Variants in ARHGAP29 observed in about 807,000 individuals in gnomAD.
The protein encoded by ARHGAP29 is rho GTPase-activating protein 29.
Under a neutral mutation model 122.6 loss-of-function variants are expected in ARHGAP29, and 43 were observed. The ratio of observed to expected loss-of-function variants is 0.35; its 90% confidence interval spans 0.27 to 0.45. The LOEUF (loss-of-function observed/expected upper bound fraction) is 0.45, where lower values mean the gene tolerates loss of function less well. Among genes scored for constraint, ARHGAP29 ranks in the 20% least tolerant of loss-of-function variants. The probability of loss-of-function intolerance (pLI) is 1.00; values close to 1 mark genes in which losing one functional copy is unlikely to be tolerated. For synonymous variants in ARHGAP29, 506 were observed against 497.1 expected (o/e 1.02, Z -0.24); for missense variants, 1,303 against 1,477.2 (o/e 0.88, Z 1.93).
At chr1:94,193,897 C>G (rs971114786) in intron 12 of ARHGAP29, 1 of 152,084 alleles carries the variant, frequency 6.6e-6, no homozygotes, top group Non-Finnish European at 1.5e-5. Context: ...TTCCTCTTAA[C>G]CTCTTTATAA....
At chr1:94,228,024 G>C (rs903734183) in intron 2 of ARHGAP29, among the ~76,000 whole-genome samples, 52 of 151,660 alleles carry the variant, frequency 3.4e-4, no homozygotes, top group African/African-American at 1.1e-3. Context: ...TTAAGTAGTG[G>C]AAAGAGAATT....
At chr1:94,223,605 A>G (rs1652449587) in intron 2 of ARHGAP29, among the ~76,000 whole-genome samples, 2 of 152,222 alleles carry the variant, frequency 1.3e-5, no homozygotes, top group South Asian at 2.1e-4. Context: ...CTATATATAC[A>G]TACATACATA....
chr1:94,205,861 A>G (rs1053199315), intron 5 of ARHGAP29, among the ~76,000 whole-genome samples, 178 bp from the exon 6 acceptor site: 6 of 152,224 alleles, frequency 3.9e-5, no homozygotes, highest in Non-Finnish European at 7.4e-5. Context: ...AGAATTTCAT[A>G]GCTTTTTACA....
chr1:94,186,846 T>C (rs1373596899), intron 15 of ARHGAP29, among the ~76,000 whole-genome samples: 1 of 152,226 alleles, frequency 6.6e-6, no homozygotes, highest in Non-Finnish European at 1.5e-5. Flanking sequence ...AATAACACTT[T>C]ACTGCCAACT....
At chr1:94,275,349 A>C (rs576392454), upstream of ARHGAP29, among the ~76,000 whole-genome samples, 76 of 152,328 alleles carry the variant, frequency 5.0e-4, no homozygotes, top group African/African-American at 1.7e-3. Context: ...GTTTACCATG[A>C]CTTTTACCTT....
At position 94,183,947 on chromosome 1, in the gene ARHGAP29, G is replaced by A. The variant is rs61782612; in HGVS notation, c.2247+204C>T. On this transcript the variant is annotated intron_variant, in intron 19 of 22. Transcript: ENST00000260526. ...GTAATATTCTATTTTCTTAAGGTGG[G>A]TGATGGGAGATGAGTTTGTTTTTAT... Among the ~76,000 whole-genome samples the A allele has an allele frequency of 4.2e-3, 634 of 152,180 alleles. 1 individual carries two copies. Among genetic ancestry groups the A allele is most frequent in the Middle Eastern group, 6.8e-3 (2 of 294 alleles).
Position 94,231,442 on chromosome 1 carries a change from T to C in ARHGAP29, c.170A>G (p.His57Arg), listed in dbSNP as rs767775218. 1.2e-6 allele frequency: 2 copies of C among 1,613,722 alleles called. No individual in the cohort carries two copies. The highest frequency in any genetic ancestry group is 1.7e-6 in the Non-Finnish European group (2 of 1,179,658). The change falls in exon 2 of 23, where the codon CAC becomes CGC. Residue 57 changes from histidine (H) to arginine (R), a missense_variant. His to Arg is a conservative substitution (Grantham distance 29). Coordinates refer to ENST00000260526, the MANE Select transcript of ARHGAP29 (RefSeq NM_004815.4). ...GGCTTCTTTCAAATATAGTAACATG[T>C]GGGAGAACTTCCTGATATCATTCAC... is the stretch of plus-strand genomic sequence containing the variant. The part of the protein sequence containing the change: ...ELVNDIRKFS[H>R]MLLYLKEAIF...
At chr1:94,188,812 T>C (rs779806228) in intron 15 of ARHGAP29, 25 bp downstream of exon 15, 41 of 1,576,326 alleles carry the variant, frequency 2.6e-5, no homozygotes, top group Non-Finnish European at 3.3e-5. Flanking sequence ...TGAGTTTTCA[T>C]TGCCAGACTT....
intron 3 of ARHGAP29, among the ~76,000 whole-genome samples, chr1:94,216,244 T>TA: frequency 6.6e-6 from 1 of 152,212 alleles, no homozygotes; most frequent in Non-Finnish European, 1.5e-5. Context: ...AAACATCTAT[T>TA]AGTAGTTAAC....
Position 94,173,806 on chromosome 1 carries a change from A to C in ARHGAP29, c.*63T>G. On this transcript the variant is annotated 3_prime_UTR_variant, in exon 23 of 23. Coordinates refer to ENST00000260526, the MANE Select transcript of ARHGAP29 (RefSeq NM_004815.4). The stretch of plus-strand genomic sequence containing the variant: ...AGGCCCTGTCAAAACATTCTTTCAC[A>C]AAACAAGCACAATACCACAAAATAA... The C allele has an allele frequency of 6.6e-7, 1 of 1,518,172 alleles. No homozygotes were observed. The highest frequency in any genetic ancestry group is 1.3e-5 in the South Asian group (1 of 75,388). The allele number at this position is 1,518,172 out of a possible 1,614,324, so 94.0% of individuals were successfully genotyped here.
At chr1:94,199,528 C>T (rs992342568) in intron 12 of ARHGAP29, among the ~76,000 whole-genome samples, 1 of 152,214 alleles carries the variant, frequency 6.6e-6, no homozygotes, top group African/African-American at 2.4e-5. Flanking sequence ...GCTAGGATCA[C>T]AGCTTTCATG....
intron 12 of ARHGAP29, chr1:94,191,949 G>C (rs1248784477): frequency 2.0e-5 from 3 of 152,166 alleles, no homozygotes; most frequent in Admixed American, 2.0e-4. Context: ...ACACTGGCAG[G>C]TACGTAGTCA....
rs1333747089 is a variant in ARHGAP29, at chr1:94,208,919, T to TA, written c.438-16dup. On this transcript the variant is annotated splice_polypyrimidine_tract_variant and intron_variant, in intron 4 of 22. Transcript: ENST00000260526. ...AGTTTGTAAGGCTATCCAAGGAGGT[T>TA]AAAAAAAGAAAGACAAGTCATTATA... 10 of 1,608,234 alleles carry TA rather than the reference T, an allele frequency of 6.2e-6. No individual in the cohort carries two copies. Among genetic ancestry groups the TA allele is most frequent in the South Asian group, 5.5e-5 (5 of 90,782 alleles).
chr1:94,204,091 G>A, intron 7 of ARHGAP29, 97 bp from the exon 8 acceptor site: 1 of 850,374 alleles, frequency 1.2e-6, no homozygotes, highest in Non-Finnish European at 1.9e-6. Context: ...ATTAAGAAGT[G>A]ATCACAAATA....
chr1:94,221,228 C>G (rs1234467483), intron 2 of ARHGAP29, among the ~76,000 whole-genome samples: 1 of 152,132 alleles, frequency 6.6e-6, no homozygotes, highest in East Asian at 1.9e-4. Flanking sequence ...ATCTTCATCC[C>G]AAGTAAATCA....
intron 2 of ARHGAP29, among the ~76,000 whole-genome samples, chr1:94,223,445 G>C (rs1652435828): frequency 6.6e-6 from 1 of 152,044 alleles, no homozygotes; most frequent in Non-Finnish European, 1.5e-5. Flanking sequence ...AGATAAGGTA[G>C]CTAGTTCACA....
chr1:94,266,872 A>G (rs780350447), intron 1 of ARHGAP29, among the ~76,000 whole-genome samples: 2 of 152,188 alleles, frequency 1.3e-5, no homozygotes, highest in African/African-American at 4.8e-5. Flanking sequence ...AGGCACACCT[A>G]TTGACATTCT....
chr1:94,245,369 C>T (rs1653752893), intron 1 of ARHGAP29, among the ~76,000 whole-genome samples: 1 of 152,090 alleles, frequency 6.6e-6, no homozygotes, highest in Admixed American at 6.6e-5. Flanking sequence ...GTGGTACAGC[C>T]TTACGATGGA....
the ARHGAP29 span, among the ~76,000 whole-genome samples, chr1:94,291,954 A>G: frequency 5.9e-5 from 9 of 152,050 alleles, no homozygotes; most frequent in African/African-American, 2.2e-4. Context: ...CTTGAGGAGT[A>G]TCTTTGTGGT....
Sources: allele counts gnomAD v4.1 joint callset (sites outside exome capture counted in the v4.1 genomes callset), GRCh38; gene constraint gnomAD v4.1.1; transcripts MANE v1.5; gene names NCBI Gene and HGNC (gene_info 2026-07-23, HGNC 2026-07-21).